ABLIM2: variants seen among roughly 807,000 people sequenced by gnomAD.
ABLIM2 encodes actin binding LIM protein family member 2, also known as actin-binding LIM protein 2.
ABLIM2 carries 53 observed loss-of-function variants against 97.7 expected under a neutral mutation model. The ratio of observed to expected loss-of-function variants is 0.54; its 90% CI spans 0.44 to 0.68. The LOEUF is 0.68. ABLIM2 is among the 30% of genes least tolerant of loss of function. ABLIM2 has a pLI of 0.00. For synonymous variants in ABLIM2, 361 were observed against 345.8 expected (o/e 1.04, Z -0.49); for missense variants, 835 against 867.2 (o/e 0.96, Z 0.47).
chr4:8,102,115 C>G (rs555510721), intron 2 of ABLIM2, among the ~76,000 whole-genome samples: 28 of 152,366 alleles, frequency 1.8e-4, no homozygotes, highest in Non-Finnish European at 2.8e-4. Flanking sequence ...TTGCTAGTGT[C>G]AAAGCCACGG....
intron 1 of ABLIM2, among the ~76,000 whole-genome samples, chr4:8,145,398 G>A (rs1465582055): frequency 1.3e-5 from 2 of 152,024 alleles, no homozygotes; most frequent in African/African-American, 4.8e-5. Flanking sequence ...TGGCCAGGCT[G>A]ATCTTGAACT....
At position 8,015,475 on chromosome 4, in the gene ABLIM2, G is replaced by A. The variant is rs969457197; in HGVS notation, c.1423+4143C>T. The stretch of plus-strand genomic sequence containing the variant: ...ATCCCGCCGGTCCCCAAACCAAAAT[G>A]AGACTCCACCCTTTGAGGTCAAAAA... On this transcript the variant is annotated intron_variant, in intron 14 of 20. Coordinates refer to ENST00000447017, the MANE Select transcript of ABLIM2 (RefSeq NM_001130083.2). The surrounding 1 kb of genome is among the most constrained non-coding windows in gnomAD (Gnocchi z 4.6). Among the ~76,000 whole-genome samples, 1 of 152,090 alleles carries A rather than the reference G, an allele frequency of 6.6e-6. No individual in the cohort carries two copies. The highest frequency in any genetic ancestry group is 1.5e-5 in the Non-Finnish European group (1 of 68,024).
At chr4:8,059,931 C>CAAA (rs1319601151) in intron 7 of ABLIM2, among the ~76,000 whole-genome samples, 4 of 148,590 alleles carry the variant, frequency 2.7e-5, no homozygotes, top group Admixed American at 6.7e-5. Context: ...AAAAAAACCC[C>CAAA]AAAAAACCCC....
chr4:7,993,143 G>A (rs1338199154), intron 16 of ABLIM2, among the ~76,000 whole-genome samples: 3 of 152,214 alleles, frequency 2.0e-5, no homozygotes, highest in African/African-American at 7.2e-5. Flanking sequence ...GAGCCTGCCC[G>A]TGACACCGGA....
intron 11 of ABLIM2, among the ~76,000 whole-genome samples, chr4:8,028,526 CTCAT>C (rs1040587257): frequency 1.3e-5 from 2 of 152,136 alleles, no homozygotes; most frequent in African/African-American, 2.4e-5. Flanking sequence ...TACTCGCTGA[CTCAT>C]TCATTAATTC....
At chr4:7,976,770 CATATACACATACACACAAGT>C (rs1733531627) in intron 20 of ABLIM2, among the ~76,000 whole-genome samples, 1 of 151,998 alleles carries the variant, frequency 6.6e-6, no homozygotes, top group African/African-American at 2.4e-5. Context: ...TATACAGACA[CATATACACATACACACAAGT>C]ATACACACAT....
In ABLIM2 at chr4:8,058,079, G is replaced by A. The variant is rs553162665; in HGVS notation, c.763+2888C>T. 7.2e-5 allele frequency among the ~76,000 whole-genome samples: 11 copies of A among 152,338 alleles called. No homozygotes were observed. In the East Asian group the frequency reaches 1.9e-3, roughly 27 times the overall value. ...GGGCTGGCCTCAGGCCAGTCCTGAA[G>A]GGCGCCTTTGTTCCTGAGATGAGGT... On this transcript the variant is annotated intron_variant, in intron 7 of 20. Coordinates refer to ENST00000447017, the MANE Select transcript of ABLIM2 (RefSeq NM_001130083.2). This position sits in a 1 kb window ranked among gnomAD's most constrained non-coding sequence, Gnocchi z 4.2.
At chr4:8,110,882 C>T (rs888756315) in intron 1 of ABLIM2, among the ~76,000 whole-genome samples, 7 of 152,226 alleles carry the variant, frequency 4.6e-5, no homozygotes, top group African/African-American at 1.7e-4. Context: ...CTGGCCCTTC[C>T]TGCCAGGCCC....
rs934257208 is a variant in ABLIM2, at chr4:8,124,519, C to T, written c.11-17882G>A. 1.3e-5 allele frequency among the ~76,000 whole-genome samples: 2 copies of T among 152,122 alleles called. No homozygotes were observed. Among genetic ancestry groups the T allele is most frequent in the African/African-American group, 2.4e-5 (1 of 41,422 alleles). On this transcript the variant is annotated intron_variant, in intron 1 of 20. Transcript: ENST00000447017. This position sits in a 1 kb window ranked among gnomAD's most constrained non-coding sequence, Gnocchi z 6.1. ...CGGAATCCCACACTGCGTGGTCCTT[C>T]GCGACTGGCTTCTTTCACTCGGCGT...
At chr4:8,076,219 A>T (rs901606615) in intron 6 of ABLIM2, among the ~76,000 whole-genome samples, 1 of 152,200 alleles carries the variant, frequency 6.6e-6, no homozygotes, top group Non-Finnish European at 1.5e-5. Flanking sequence ...GAGTTGCTGG[A>T]TGCGGGTTTG....
intron 17 of ABLIM2, among the ~76,000 whole-genome samples, chr4:7,990,843 T>C (rs1748143124): frequency 6.6e-6 from 1 of 152,042 alleles, no homozygotes; most frequent in South Asian, 2.1e-4. Context: ...ATAAAAGTCG[T>C]AGAAAGAGTG....
intron 3 of ABLIM2, among the ~76,000 whole-genome samples, chr4:8,096,087 G>C (rs1190280411): frequency 2.0e-5 from 3 of 152,018 alleles, no homozygotes; most frequent in Non-Finnish European, 4.4e-5. Flanking sequence ...GCTCCCCTTG[G>C]GTCTCTCCCC....
At position 8,106,815 on chromosome 4, in the gene ABLIM2, G is replaced by A. The variant is rs545335640; in HGVS notation, c.11-178C>T. On this transcript the variant is annotated intron_variant, in intron 1 of 20. Transcript: ENST00000447017. ...TCTCCTTTTGCCTGGGGACCCACAGGAGTCAGATTATGCAGGGGTTAGGGG... is the reference window on the plus strand; with the variant it reads ...TCTCCTTTTGCCTGGGGACCCACAGAAGTCAGATTATGCAGGGGTTAGGGG... 2.6e-5 allele frequency among the ~76,000 whole-genome samples: 4 copies of A among 152,356 alleles called. No homozygotes were observed. In the South Asian group the frequency reaches 6.2e-4, roughly 24 times the overall value.
rs114874393 is a variant in ABLIM2 at position 8,021,407 on chromosome 4, A to G, written c.1268-1104T>C. ...AGAGAAGGTGTACGCTCCCTGCAGA[A>G]GACACTCCCAAGGCCCCGTTCCTCC... On this transcript the variant is annotated intron_variant, in intron 12 of 20. Transcript: ENST00000447017. The surrounding 1 kb of genome is among the most constrained non-coding windows in gnomAD (Gnocchi z 5.5). Among the ~76,000 whole-genome samples the G allele has an allele frequency of 5.9e-3, 904 of 152,254 alleles. 9 individuals carry two copies. Among genetic ancestry groups the G allele is most frequent in the African/African-American group, 0.02 (837 of 41,534 alleles).
chr4:8,037,745 C>A (rs1324739900), intron 9 of ABLIM2, among the ~76,000 whole-genome samples: 1 of 152,258 alleles, frequency 6.6e-6, no homozygotes, highest in African/African-American at 2.4e-5. Context: ...TGGCATTTGA[C>A]AGGCCAGCTG....
Position 8,072,796 on chromosome 4 carries a change from A to T in ABLIM2, c.675+4832T>A, listed in dbSNP as rs1483404169. ...TGGTGTTGGCCTGGCTGAGCATCAG[A>T]GCCACCAGCGCATAAGAGGAGCAGG... On this transcript the variant is annotated intron_variant, in intron 6 of 20. Transcript: ENST00000447017. The surrounding 1 kb of genome is among the most constrained non-coding windows in gnomAD (Gnocchi z 5.8). 6.6e-6 allele frequency among the ~76,000 whole-genome samples: 1 copy of T among 152,132 alleles called. No homozygotes were observed. Among genetic ancestry groups the T allele is most frequent in the African/African-American group, 2.4e-5 (1 of 41,436 alleles).
chr4:7,973,487 T>G, intron 20 of ABLIM2, among the ~76,000 whole-genome samples: 1 of 139,582 alleles, frequency 7.2e-6, no homozygotes, highest in African/African-American at 2.7e-5. Context: ...GGTGACAGAG[T>G]GAGACTACGT....
In ABLIM2 at chr4:8,127,197, C is replaced by T. The variant is rs536409687; in HGVS notation, c.11-20560G>A. 3.3e-5 allele frequency among the ~76,000 whole-genome samples: 5 copies of T among 152,284 alleles called. No individual in the cohort carries two copies. The highest frequency in any genetic ancestry group is 9.6e-5 in the African/African-American group (4 of 41,570). The stretch of plus-strand genomic sequence containing the variant: ...AAAGGGAGGGAGGGAGGCCCAGACG[C>T]TGTGGTCAGTGGGTGCTGGAGTCCA... On this transcript the variant is annotated intron_variant, in intron 1 of 20. Transcript: ENST00000447017. The surrounding 1 kb of genome is among the most constrained non-coding windows in gnomAD (Gnocchi z 7.3).
intron 1 of ABLIM2, among the ~76,000 whole-genome samples, chr4:8,110,951 C>A (rs1025711429): frequency 1.3e-5 from 2 of 152,340 alleles, no homozygotes; most frequent in East Asian, 3.9e-4. Flanking sequence ...TCATTCCTCA[C>A]CTGGCTGCAG....
Sources: allele counts gnomAD v4.1 joint callset (sites outside exome capture counted in the v4.1 genomes callset), GRCh38; gene constraint gnomAD v4.1.1; non-coding constraint Gnocchi (gnomAD v3.1); transcripts MANE v1.5; gene names NCBI Gene and HGNC (gene_info 2026-07-23, HGNC 2026-07-21).